HOXA13: variants seen among roughly 807,000 people sequenced by gnomAD.
HOXA13 encodes homeobox A13, also known as homeobox protein Hox-A13.
In HOXA13, 5 loss-of-function variants were observed where a neutral mutation model predicts 25.7. The ratio of observed to expected loss-of-function variants is 0.19; its 90% confidence interval spans 0.10 to 0.41. The LOEUF (loss-of-function observed/expected upper bound fraction) is 0.41. Among genes scored for constraint, HOXA13 ranks in the 10% least tolerant of loss-of-function variants. The pLI is 1.00. For missense variants in HOXA13, 557 were observed against 533.5 expected (o/e 1.04, Z -0.43); for synonymous variants, 284 against 241.1 (o/e 1.18, Z -1.65).
At position 27,199,147 on chromosome 7, in the gene HOXA13, G is replaced by A. The variant is rs1323574091; in HGVS notation, c.922+9C>T. On this transcript the variant is annotated intron_variant, in intron 1 of 1. Transcript: ENST00000649031. ...GGAAGACCAGGGCTGGGAATAGGTC[G>A]TCATTTACCGGGCAGAGTGGACTTC... 9 of 1,607,394 alleles carry A rather than the reference G, an allele frequency of 5.6e-6. No homozygotes were observed. The Admixed American group carries it at 1.5e-4, about 27-fold the overall frequency.
rs1193688597 is a variant in HOXA13, at chr7:27,194,403, A to G, written c.*3795T>C. On this transcript the variant is annotated 3_prime_UTR_variant, in exon 2 of 2. Coordinates refer to ENST00000649031, the MANE Select transcript of HOXA13 (RefSeq NM_000522.5). ...CCCATTTTTATTTTCTTAATTCAGGAAGAGTTTTCTTTTTAGAAAAAAATA... is the reference window on the plus strand; with the variant it reads ...CCCATTTTTATTTTCTTAATTCAGGGAGAGTTTTCTTTTTAGAAAAAAATA... 6.6e-6 allele frequency: 1 copy of G among 152,176 alleles called. No homozygotes were observed. The highest frequency in any genetic ancestry group is 2.4e-5 in the African/African-American group (1 of 41,424). 9.4% of individuals were successfully genotyped at this position (152,176 alleles called of 1,614,324 possible).
chr7:27,199,322 C>T lies in HOXA13; in HGVS notation c.756G>A (p.Met252Ile). Residue 252 changes from methionine (M) to isoleucine (I), a missense_variant, in exon 1 of 2, where the codon ATG becomes ATA. By Grantham distance (10) the Met-to-Ile change is conservative. Coordinates refer to ENST00000649031, the MANE Select transcript of HOXA13 (RefSeq NM_000522.5). Reference sequence around the variant, plus strand: ...GGCCCCCGAGGCCCGGCACCACTGGCATATCCAGGTAGCCAGGCATGGGCT... The same window carrying T: ...GGCCCCCGAGGCCCGGCACCACTGGTATATCCAGGTAGCCAGGCATGGGCT... The part of the protein sequence containing the change: ...HHQPMPGYLD[M>I]PVVPGLGGPG... The T allele has an allele frequency of 5.0e-6, 8 of 1,614,080 alleles. No homozygotes were observed. The highest frequency in any genetic ancestry group is 6.8e-6 in the Non-Finnish European group (8 of 1,180,008).
rs776302177 is a variant in HOXA13, at chr7:27,198,386, C to A, written c.979G>T (p.Val327Leu). 6.2e-7 allele frequency: 1 copy of A among 1,614,168 alleles called. No homozygotes were observed. Among genetic ancestry groups the A allele is most frequent in the Non-Finnish European group, 8.5e-7 (1 of 1,180,020 alleles). ...SSYRRGRKKRVPYTKVQLKEL... is the reference protein window; with the variant it reads ...SSYRRGRKKRLPYTKVQLKEL... ...TTTAATTGCACCTTGGTATAAGGCACGCGCTTCTTTCTCCCCCTCCTATAG... is the reference window on the plus strand; with the variant it reads ...TTTAATTGCACCTTGGTATAAGGCAAGCGCTTCTTTCTCCCCCTCCTATAG... Residue 327 changes from valine to leucine, a missense_variant, in exon 2 of 2, where the codon GTG (valine) becomes TTG (leucine). Val to Leu is a conservative substitution (Grantham distance 32, BLOSUM62 1). Coordinates refer to ENST00000649031, the MANE Select transcript of HOXA13 (RefSeq NM_000522.5).
chr7:27,198,220 T>C lies in HOXA13; in HGVS notation c.1145A>G (p.Asn382Ser). The change falls in exon 2 of 2, where the codon AAC becomes AGC. Residue 382 changes from asparagine to serine, a missense_variant. Coordinates refer to ENST00000649031, the MANE Select transcript of HOXA13 (RefSeq NM_000522.5). The stretch of plus-strand genomic sequence containing the variant: ...CCATTAACTAGTGGTTTTCAGTTTG[T>C]TGATGACTTTTTTCTCTTTAACCCT... Reference protein sequence around the residue: ...NRRVKEKKVINKLKTTS With the variant: ...NRRVKEKKVISKLKTTS The C allele has an allele frequency of 6.2e-7, 1 of 1,614,232 alleles. No individual in the cohort carries two copies. The highest frequency in any genetic ancestry group is 1.3e-5 in the African/African-American group (1 of 75,062).
rs1298119727 is a variant in HOXA13, at chr7:27,197,905, C to T, written c.*293G>A. The T allele has an allele frequency of 4.2e-6, 2 of 478,450 alleles. No homozygotes were observed. Among genetic ancestry groups the T allele is most frequent in the East Asian group, 7.4e-5 (2 of 27,044 alleles). 29.6% of individuals were successfully genotyped at this position (478,450 alleles called of 1,614,324 possible). A position where few individuals can be genotyped will look rare whatever the true frequency, so the allele number is the denominator to read the frequency against. ...TTAAATACTTACAAGATTTCAGTAA[C>T]TGCGTAACTTATCTGAAATTGCGTA... is the stretch of plus-strand genomic sequence containing the variant. On this transcript the variant is annotated 3_prime_UTR_variant, in exon 2 of 2. Transcript: ENST00000649031.
In HOXA13 at chr7:27,199,517, G is replaced by A. The variant is rs1226159920; in HGVS notation, c.561C>T (p.His187=). The A allele has an allele frequency of 8.7e-6, 14 of 1,601,186 alleles. No homozygotes were observed. The highest frequency in any genetic ancestry group is 2.7e-5 in the African/African-American group (2 of 74,478). Residue 187 remains histidine (H), a synonymous_variant, in exon 1 of 2, where the codon CAC becomes CAT. Transcript: ENST00000649031. ...GYYPCARMGP[H]PNAIKSCAQP... ...GCGCGCACGACTTGATGGCGTTGGG[G>A]TGCGGGCCCATGCGGGCGCACGGGT...
At position 27,199,583 on chromosome 7, in the gene HOXA13, C is replaced by A. The variant is rs1784062545; in HGVS notation, c.495G>T (p.Gly165=). The change falls in exon 1 of 2, where the codon GGG becomes GGT. Residue 165 remains glycine (G), a synonymous_variant. Transcript: ENST00000649031. ...AGTAGCCATAGGGCAGCGCCGCGGG[C>A]CCCGACGAGCTCTGCGCCGCTGCCG... ...PCSAAAQSSS[G]PAALPYGYFG... 5.9e-6 allele frequency: 9 copies of A among 1,524,036 alleles called. No individual in the cohort carries two copies. The allele number at this position is 1,524,036 out of a possible 1,614,324, so 94.4% of individuals were successfully genotyped here.
At chr7:27,198,480 G>A (rs778664741) in intron 1 of HOXA13, 38 bp from the exon 2 acceptor site, 23 of 1,611,172 alleles carry the variant, frequency 1.4e-5, no homozygotes, top group South Asian at 2.2e-5. Context: ...CACAGGGATC[G>A]GACCCCAGCC....
At chr7:27,198,730 G>T (rs191977375) in intron 1 of HOXA13, 143 of 549,196 alleles carry the variant, frequency 2.6e-4, no homozygotes, top group African/African-American at 2.5e-3. Context: ...ACACCTTAGC[G>T]CCAGGCTCAA....
rs986802238 is a variant in HOXA13 at position 27,198,090 on chromosome 7, C to T, written c.*108G>A. Reference sequence around the variant, plus strand: ...GGAAAATGCCAGTCTCTGTCTCTTTCTCTTTCCCATTCTTCAATTATTATT... The same window carrying T: ...GGAAAATGCCAGTCTCTGTCTCTTTTTCTTTCCCATTCTTCAATTATTATT... On this transcript the variant is annotated 3_prime_UTR_variant, in exon 2 of 2. Coordinates refer to ENST00000649031, the MANE Select transcript of HOXA13 (RefSeq NM_000522.5). The T allele has an allele frequency of 7.9e-6, 10 of 1,259,274 alleles. No individual in the cohort carries two copies. The African/African-American group carries it at 1.2e-4, about 15-fold the overall frequency. 78.0% of individuals were successfully genotyped at this position (1,259,274 alleles called of 1,614,324 possible).
At chr7:27,198,825 T>A in intron 1 of HOXA13, 1 of 482,004 alleles carries the variant, frequency 2.1e-6, no homozygotes, top group Admixed American at 3.7e-5. Context: ...TTTGAGAGAA[T>A]GAATAGGGAG....
rs752041763 is a variant in HOXA13 at position 27,199,447 on chromosome 7, T to C, written c.631A>G (p.Met211Val). Residue 211 changes from methionine to valine, a missense_variant, in exon 1 of 2, where the codon ATG becomes GTG. Physicochemically the swap from Met to Val is conservative, Grantham distance 21. Transcript: ENST00000649031. ...AAAAAFADKY[M>V]DTAGPAAEEF... is the part of the protein sequence containing the mutation. ...TCGGCAGCTGGGCCGGCGGTATCCA[T>C]GTACTTGTCCGCGAAGGCGGCGGCG... 7 of 1,613,516 alleles carry C rather than the reference T, an allele frequency of 4.3e-6. No individual in the cohort carries two copies. The South Asian group carries it at 4.4e-5, about 10-fold the overall frequency.
At position 27,198,053 on chromosome 7, in the gene HOXA13, T is replaced by A; in HGVS notation, c.*145A>T. On this transcript the variant is annotated 3_prime_UTR_variant, in exon 2 of 2. Coordinates refer to ENST00000649031, the MANE Select transcript of HOXA13 (RefSeq NM_000522.5). Reference sequence around the variant, plus strand: ...AGATTCCATTAAAGAGAAAGAGATCTCCTTCGGGAGAGGAAAATGCCAGTC... The same window carrying A: ...AGATTCCATTAAAGAGAAAGAGATCACCTTCGGGAGAGGAAAATGCCAGTC... The A allele has an allele frequency of 2.2e-6, 2 of 914,260 alleles. No homozygotes were observed. Among genetic ancestry groups the A allele is most frequent in the Middle Eastern group, 6.2e-4 (2 of 3,210 alleles). 56.6% of individuals were successfully genotyped at this position (914,260 alleles called of 1,614,324 possible).
In HOXA13 at chr7:27,199,998, AC is replaced by A; in HGVS notation, c.79del (p.Val27TrpfsTer64). On this transcript the variant is annotated frameshift_variant, in exon 1 of 2. Coordinates refer to ENST00000649031, the MANE Select transcript of HOXA13 (RefSeq NM_000522.5). LOFTEE classifies it high-confidence loss of function. The stretch of plus-strand genomic sequence containing the variant: ...CATGTTCTTGTTGAGCTCGTCGGCC[AC>A]CAGGCCGCCGCCGTTGTCGTAGAGA... ...MFLYDNGGGL[V>X]ADELNKNMEG... is the part of the protein sequence containing the mutation. 6.8e-7 allele frequency: 1 copy of A among 1,477,108 alleles called. No homozygotes were observed. The highest frequency in any genetic ancestry group is 2.9e-5 in the East Asian group (1 of 34,494). The allele number at this position is 1,477,108 out of a possible 1,614,324, so 91.5% of individuals were successfully genotyped here. A position where few individuals can be genotyped will look rare whatever the true frequency, so the allele number is the denominator to read the frequency against.
Position 27,196,940 on chromosome 7 carries a change from T to G in HOXA13, c.*1258A>C, listed in dbSNP as rs115525024. 159,698 of 180,662 alleles carry G rather than the reference T, an allele frequency of 0.88. 70,879 individuals are homozygous for G. Among genetic ancestry groups the G allele is most frequent in the Middle Eastern group, 0.96 (460 of 480 alleles). 11.2% of individuals were successfully genotyped at this position (180,662 alleles called of 1,614,324 possible). ...TATCACTATCTACAGGTCTAAGGGT[T>G]TTTTTTTTTCATTTTTAGTAGAAAT... On this transcript the variant is annotated 3_prime_UTR_variant, in exon 2 of 2. Coordinates refer to ENST00000649031, the MANE Select transcript of HOXA13 (RefSeq NM_000522.5).
rs745613158 is a variant in HOXA13 at position 27,200,051 on chromosome 7, G to T, written c.27C>A (p.Pro9=). The stretch of plus-strand genomic sequence containing the variant: ...ACATGACGGTGGGCTCGATCCAGCG[G>T]GGGTGGAGGAGCACGGAGGCTGTCA... MTASVLLH[P]RWIEPTVMFL... The change falls in exon 1 of 2, where the codon CCC becomes CCA. Residue 9 remains proline (P), a synonymous_variant. Transcript: ENST00000649031. The T allele has an allele frequency of 6.1e-6, 9 of 1,478,776 alleles. No individual in the cohort carries two copies. Among genetic ancestry groups the T allele is most frequent in the African/African-American group, 5.8e-5 (4 of 68,424 alleles). 91.6% of individuals were successfully genotyped at this position (1,478,776 alleles called of 1,614,324 possible). A position where few individuals can be genotyped will look rare whatever the true frequency, so the allele number is the denominator to read the frequency against.
rs1321539204 is a variant in HOXA13, at chr7:27,195,582, G to A, written c.*2616C>T. On this transcript the variant is annotated 3_prime_UTR_variant, in exon 2 of 2. Coordinates refer to ENST00000649031, the MANE Select transcript of HOXA13 (RefSeq NM_000522.5). Reference sequence around the variant, plus strand: ...ATAATATTATTATTATAGTTTTGATGGAAGTTGTTAATATTAAACATATTT... The same window carrying A: ...ATAATATTATTATTATAGTTTTGATAGAAGTTGTTAATATTAAACATATTT... 1 of 152,094 alleles carries A rather than the reference G, an allele frequency of 6.6e-6. No individual in the cohort carries two copies. The highest frequency in any genetic ancestry group is 1.5e-5 in the Non-Finnish European group (1 of 68,014). 9.4% of individuals were successfully genotyped at this position (152,094 alleles called of 1,614,324 possible).
chr7:27,199,892 C>T lies in HOXA13; in HGVS notation c.186G>A (p.Ala62=). The change falls in exon 1 of 2, where the codon GCG becomes GCA. Residue 62 remains alanine, a synonymous_variant. Coordinates refer to ENST00000649031, the MANE Select transcript of HOXA13 (RefSeq NM_000522.5). ...GAGGGGFPHP[A]AAAAGGNFSV... is the part of the protein sequence containing the mutation. Reference sequence around the variant, plus strand: ...AGAAGTTGCCCCCTGCCGCCGCAGCCGCCGGGTGGGGGAAGCCCCCGCCCC... The same window carrying T: ...AGAAGTTGCCCCCTGCCGCCGCAGCTGCCGGGTGGGGGAAGCCCCCGCCCC... 2 of 1,091,600 alleles carry T rather than the reference C, an allele frequency of 1.8e-6. No homozygotes were observed. The highest frequency in any genetic ancestry group is 2.2e-6 in the Non-Finnish European group (2 of 895,702). 67.6% of individuals were successfully genotyped at this position (1,091,600 alleles called of 1,614,324 possible). A position where few individuals can be genotyped will look rare whatever the true frequency, so the allele number is the denominator to read the frequency against.
rs1784019663 is a variant in HOXA13, at chr7:27,197,712, TACA to T, written c.*483_*485del. The T allele has an allele frequency of 3.9e-6, 1 of 255,572 alleles. No homozygotes were observed. The highest frequency in any genetic ancestry group is 2.2e-5 in the African/African-American group (1 of 45,222). 15.8% of individuals were successfully genotyped at this position (255,572 alleles called of 1,614,324 possible). On this transcript the variant is annotated 3_prime_UTR_variant, in exon 2 of 2. Transcript: ENST00000649031. ...TATACATAAAATGTTTTGCAGAACG[TACA>T]ACAACGGTAGGAATTTCACTAAGAT...
Sources: gnomAD v4.1 joint callset for allele counts on GRCh38, gnomAD v4.1.1 for gene constraint, MANE v1.5 for transcripts, NCBI Gene and HGNC (gene_info 2026-07-23, HGNC 2026-07-21) for gene names.